The following GPR179 variants were observed in gnomAD, a reference collection of about 807,000 sequenced individuals.
The protein encoded by GPR179 is G protein-coupled receptor 179.
Under a neutral mutation model 70.8 loss-of-function variants are expected in GPR179, and 52 were observed. The observed-to-expected ratio is 0.73, with a 90% CI of 0.59 to 0.93. GPR179 has a LOEUF of 0.93. Ranked by LOEUF, GPR179 falls within the 40% of genes least tolerant of loss-of-function variation. The pLI, the probability that GPR179 is intolerant of heterozygous loss-of-function variation, is 0.00. For synonymous variants in GPR179, 1,123 were observed against 1,169.0 expected, an observed-to-expected ratio of 0.96 and a Z score of 0.80; for missense variants, 2,734 against 2,966.8, an observed-to-expected ratio of 0.92 and a Z score of 1.82.
chr17:38,338,928 C>T (rs1217239713), intron 2 of GPR179, among the ~76,000 whole-genome samples: 1 of 152,216 alleles, frequency 6.6e-6, no homozygotes, highest in Non-Finnish European at 1.5e-5. Context: ...TCTTCGAGCT[C>T]CTTGGTTGGT....
At position 38,329,481 on chromosome 17, in the gene GPR179, C is replaced by T; in HGVS notation, c.4088G>A (p.Trp1363Ter). Reference sequence around the variant, plus strand: ...ATGAGCTTCTGGGCCAGCAGCTTCCCACCCAGGCTTCTCCACCTTCCTGGC... The same window carrying T: ...ATGAGCTTCTGGGCCAGCAGCTTCCTACCCAGGCTTCTCCACCTTCCTGGC... ...VEARKVEKPGWEAAGPEAHTP... is the reference protein window; with the variant it reads ...VEARKVEKPG The change falls in exon 11 of 11, where the codon TGG becomes TAG. Residue 1363 changes from tryptophan (W) to a stop codon, truncating the protein, a stop_gained. Transcript: ENST00000616987. LOFTEE classifies it low-confidence loss of function (END_TRUNC). 1 of 1,614,048 alleles carries T rather than the reference C, an allele frequency of 6.2e-7. No individual in the cohort carries two copies. Among genetic ancestry groups the T allele is most frequent in the Non-Finnish European group, 8.5e-7 (1 of 1,179,996 alleles).
At position 38,328,511 on chromosome 17, in the gene GPR179, G is replaced by A. The variant is rs376750375; in HGVS notation, c.5058C>T (p.Ala1686=). ...CCTCCACATCCAAAGGGCAAATGTC[G>A]GCAGCTTTGCTTCCCACACTGCCTG... ...QMSGSVGSKA[A]DICPLDVEEN... is the part of the protein sequence containing the mutation. The change falls in exon 11 of 11, where the codon GCC becomes GCT. Residue 1686 remains alanine (A), a synonymous_variant. Coordinates refer to ENST00000616987, the MANE Select transcript of GPR179 (RefSeq NM_001004334.4). 2.8e-4 allele frequency: 451 copies of A among 1,611,838 alleles called. No homozygotes were observed. Among genetic ancestry groups the A allele is most frequent in the Non-Finnish European group, 3.4e-4 (403 of 1,179,512 alleles).
At position 38,337,647 on chromosome 17, in the gene GPR179, GC is replaced by G. The variant is rs770714846; in HGVS notation, c.976del (p.Ala326GlnfsTer7). Reference sequence around the variant, plus strand: ...CACTTACATACCCCCAGAGGGGCTTGCCCCGTAGAATCCAGGTCGGCAGCGG... The same window carrying G: ...CACTTACATACCCCCAGAGGGGCTTGCCCGTAGAATCCAGGTCGGCAGCGG... ...LCRCRPGFYG[A>X]SPSGGLEESD... is the part of the protein sequence containing the mutation. On this transcript the variant is annotated frameshift_variant, in exon 3 of 11. Coordinates refer to ENST00000616987, the MANE Select transcript of GPR179 (RefSeq NM_001004334.4). LOFTEE classifies it high-confidence loss of function. 1.9e-6 allele frequency: 3 copies of G among 1,605,122 alleles called. No homozygotes were observed. In the South Asian group the frequency reaches 3.3e-5, roughly 18 times the overall value.
At position 38,330,431 on chromosome 17, in the gene GPR179, C is replaced by G; in HGVS notation, c.3138G>C (p.Glu1046Asp). ...GGTGATGTGCATCCTCTGCGTCCAT[C>G]TCATTCTCCCCAGCCCTGCTTTTCT... ...AVEKSRAGEN[E>D]MDAEDAHHQR... Residue 1046 changes from glutamate (E) to aspartate (D), a missense_variant, in exon 11 of 11, where the codon GAG becomes GAC. Transcript: ENST00000616987. 1.3e-6 allele frequency: 2 copies of G among 1,590,650 alleles called. No individual in the cohort carries two copies. Among genetic ancestry groups the G allele is most frequent in the African/African-American group, 1.3e-5 (1 of 74,338 alleles).
chr17:38,342,349 T>TTTC (rs904849914), intron 1 of GPR179, among the ~76,000 whole-genome samples: 1 of 151,930 alleles, frequency 6.6e-6, no homozygotes, highest in African/African-American at 2.4e-5. Flanking sequence ...TTTTTTTTTT[T>TTTC]TGAGACAGAG....
Position 38,336,062 on chromosome 17 carries a change from G to A in GPR179, c.1296+14C>T. 15 of 1,605,058 alleles carry A rather than the reference G, an allele frequency of 9.3e-6. No individual in the cohort carries two copies. The highest frequency in any genetic ancestry group is 1.3e-5 in the Non-Finnish European group (15 of 1,171,814). On this transcript the variant is annotated intron_variant, in intron 5 of 10. Coordinates refer to ENST00000616987, the MANE Select transcript of GPR179 (RefSeq NM_001004334.4). ...ATGCTGGAAGGTGGGGCCAGCCTGT[G>A]GCCACAGACTCACAGGAAAGTAAAG...
Position 38,334,919 on chromosome 17 carries a change from G to A in GPR179, c.1646-77C>T, listed in dbSNP as rs537560179. On this transcript the variant is annotated intron_variant, in intron 7 of 10. Coordinates refer to ENST00000616987, the MANE Select transcript of GPR179 (RefSeq NM_001004334.4). This position sits in a 1 kb window ranked among gnomAD's most constrained non-coding sequence, Gnocchi z 4.7. Reference sequence around the variant, plus strand: ...ACCCCTTTCTCTGAAAGATGTGCTGGGGGGAGCCTGGGCTCGGGGTCTGGG... The same window carrying A: ...ACCCCTTTCTCTGAAAGATGTGCTGAGGGGAGCCTGGGCTCGGGGTCTGGG... 2.8e-5 allele frequency: 44 copies of A among 1,595,694 alleles called. No individual in the cohort carries two copies. The highest frequency in any genetic ancestry group is 1.6e-4 in the East Asian group (7 of 44,526).
Position 38,337,725 on chromosome 17 carries a change from G to A in GPR179, c.904-5C>T. 6.2e-7 allele frequency: 1 copy of A among 1,611,636 alleles called. No individual in the cohort carries two copies. On this transcript the variant is annotated splice_region_variant and splice_polypyrimidine_tract_variant and intron_variant, in intron 2 of 10. Transcript: ENST00000616987. ...CTGACTCTCCAGGGGGACACACTAT[G>A]GGGACAACAAACACAGTATGTGTTT...
rs1227123342 is a variant in GPR179 at position 38,326,712 on chromosome 17, A to C, written c.6857T>G (p.Phe2286Cys). The C allele has an allele frequency of 6.2e-7, 1 of 1,614,028 alleles. No individual in the cohort carries two copies. Among genetic ancestry groups the C allele is most frequent in the Non-Finnish European group, 8.5e-7 (1 of 1,180,034 alleles). ...CLLVHGPLDH[F>C]FPESKIPCPK... The stretch of plus-strand genomic sequence containing the variant: ...GCAGGGGATTTTGCTTTCTGGAAAG[A>C]AGTGATCCAGAGGCCCATGGACTAA... Residue 2286 changes from phenylalanine (F) to cysteine (C), a missense_variant, in exon 11 of 11, where the codon TTC (phenylalanine) becomes TGC (cysteine). Transcript: ENST00000616987.
At chr17:38,341,608 T>C (rs1180176837) in intron 1 of GPR179, among the ~76,000 whole-genome samples, 6 of 152,204 alleles carry the variant, frequency 3.9e-5, no homozygotes, top group Admixed American at 3.3e-4. Context: ...GATTGTTGAA[T>C]GCCCTGCAGT....
At position 38,329,221 on chromosome 17, in the gene GPR179, C is replaced by CT. The variant is rs766709912; in HGVS notation, c.4347dup (p.Glu1450ArgfsTer12). ...CCACTGCCCAAACTCCCTGAACACT[C>CT]TGAGCTTCCTGGGGCCTGAATTGAG... is the stretch of plus-strand genomic sequence containing the variant. On this transcript the variant is annotated frameshift_variant, in exon 11 of 11. Transcript: ENST00000616987. LOFTEE classifies it low-confidence loss of function (END_TRUNC). The CT allele has an allele frequency of 1.2e-6, 2 of 1,613,978 alleles. No individual in the cohort carries two copies. The highest frequency in any genetic ancestry group is 2.2e-5 in the South Asian group (2 of 91,040).
chr17:38,330,015 T>G lies in GPR179; in HGVS notation c.3554A>C (p.Gln1185Pro). 2 of 1,614,232 alleles carry G rather than the reference T, an allele frequency of 1.2e-6. No individual in the cohort carries two copies. Among genetic ancestry groups the G allele is most frequent in the Admixed American group, 1.7e-5 (1 of 60,032 alleles). Residue 1185 changes from glutamine (Q) to proline (P), a missense_variant, in exon 11 of 11, where the codon CAG becomes CCG. Physicochemically the swap from Gln to Pro is moderately conservative, Grantham distance 76 (BLOSUM62 -1). Transcript: ENST00000616987. ...EQEDRGRRMTQGLGERKAERA... is the reference protein window; with the variant it reads ...EQEDRGRRMTPGLGERKAERA... ...CTCAGCTTTCCGTTCCCCTAGACCC[T>G]GGGTCATCCTCCTGCCTCTGTCTTC... is the stretch of plus-strand genomic sequence containing the variant.
chr17:38,336,249 C>T (rs1343841478), intron 4 of GPR179, 105 bp from the exon 5 acceptor site: 3 of 796,130 alleles, frequency 3.8e-6, no homozygotes, highest in South Asian at 1.4e-5. Flanking sequence ...TAAGGCTTCA[C>T]CCTGTAACAC....
Position 38,333,983 on chromosome 17 carries a change from GGAAGAA to G in GPR179, c.1834_1839del (p.Phe612_Phe613del), listed in dbSNP as rs753121742. ...GTGGTGGTGACTGTGCTGTGGGTGTGGAAGAAGAAGAGGAGGAGGGTCCAGTCCGGG... is the reference window on the plus strand; with the variant it reads ...GTGGTGGTGACTGTGCTGTGGGTGTGGAAGAGGAGGAGGGTCCAGTCCGGG... On this transcript the variant is annotated inframe_deletion, in exon 9 of 11. Transcript: ENST00000616987. The G allele has an allele frequency of 6.2e-7, 1 of 1,613,880 alleles. No homozygotes were observed. Among genetic ancestry groups the G allele is most frequent in the East Asian group, 2.2e-5 (1 of 44,866 alleles).
At position 38,327,614 on chromosome 17, in the gene GPR179, C is replaced by T. The variant is rs753473962; in HGVS notation, c.5955G>A (p.Gln1985=). 1 of 1,614,210 alleles carries T rather than the reference C, an allele frequency of 6.2e-7. No individual in the cohort carries two copies. Among genetic ancestry groups the T allele is most frequent in the East Asian group, 2.2e-5 (1 of 44,882 alleles). ...QRPDQPKASS[Q]RLVSTGGRAA... is the part of the protein sequence containing the mutation. ...CCCTGCCCCCAGTGCTGACCAGTCT[C>T]TGGGAGCTAGCTTTAGGTTGGTCAG... Residue 1985 remains glutamine (Q), a synonymous_variant, in exon 11 of 11, where the codon CAG becomes CAA. Transcript: ENST00000616987.
At position 38,327,178 on chromosome 17, in the gene GPR179, A is replaced by C; in HGVS notation, c.6391T>G (p.Cys2131Gly). 2 of 1,614,248 alleles carry C rather than the reference A, an allele frequency of 1.2e-6. No individual in the cohort carries two copies. The highest frequency in any genetic ancestry group is 1.7e-6 in the Non-Finnish European group (2 of 1,180,048). Residue 2131 changes from cysteine (C) to glycine (G), a missense_variant, in exon 11 of 11, where the codon TGC (cysteine) becomes GGC (glycine). By Grantham distance (159) the Cys-to-Gly change is radical. Coordinates refer to ENST00000616987, the MANE Select transcript of GPR179 (RefSeq NM_001004334.4). Reference sequence around the variant, plus strand: ...GCTCCTCCACCCGCCTCCCAAGGGCAGATCTCTGCTTTCTTGGCAGAGGGA... The same window carrying C: ...GCTCCTCCACCCGCCTCCCAAGGGCCGATCTCTGCTTTCTTGGCAGAGGGA... ...EAPSAKKAEI[C>G]PWEAGGGAAE...
chr17:38,327,437 C>G lies in GPR179; in HGVS notation c.6132G>C (p.Glu2044Asp), dbSNP rs552259344. 1.2e-6 allele frequency: 2 copies of G among 1,614,212 alleles called. No individual in the cohort carries two copies. Among genetic ancestry groups the G allele is most frequent in the Non-Finnish European group, 1.7e-6 (2 of 1,180,048 alleles). Reference protein sequence around the residue: ...RQDGKGDSQEEKGRAPEKSEP... With the variant: ...RQDGKGDSQEDKGRAPEKSEP... ...CTGATTTTTCTGGGGCTCTGCCTTT[C>G]TCTTCTTGAGAGTCCCCTTTTCCAT... The change falls in exon 11 of 11, where the codon GAG (glutamate) becomes GAC (aspartate). Residue 2044 changes from glutamate to aspartate, a missense_variant. Physicochemically the swap from Glu to Asp is conservative, Grantham distance 45. Transcript: ENST00000616987.
intron 10 of GPR179, among the ~76,000 whole-genome samples, chr17:38,332,817 C>T (rs2144266353): frequency 6.6e-6 from 1 of 152,390 alleles, no homozygotes; most frequent in African/African-American, 2.4e-5. Context: ...GCCATTTGGC[C>T]AGGCTGGTCA....
rs752389427 is a variant in GPR179, at chr17:38,334,053, G to A, written c.1785-15C>T. 1 of 1,570,534 alleles carries A rather than the reference G, an allele frequency of 6.4e-7. No homozygotes were observed. Among genetic ancestry groups the A allele is most frequent in the Admixed American group, 1.7e-5 (1 of 59,858 alleles). On this transcript the variant is annotated splice_polypyrimidine_tract_variant and intron_variant, in intron 8 of 10. Coordinates refer to ENST00000616987, the MANE Select transcript of GPR179 (RefSeq NM_001004334.4). The surrounding 1 kb of genome is among the most constrained non-coding windows in gnomAD (Gnocchi z 4.7). ...CCAGCACAAACCTGGGGCGGGATAG[G>A]GGCGCAGGTCATTACTGCAGGCAGG...
Sources: gnomAD v4.1 joint callset for allele counts (sites outside exome capture counted in the v4.1 genomes callset) on GRCh38, gnomAD v4.1.1 for gene constraint, Gnocchi (gnomAD v3.1) non-coding constraint, MANE v1.5 for transcripts, NCBI Gene and HGNC (gene_info 2026-07-23, HGNC 2026-07-21) for gene names.